QTMAN: variants seen among roughly 807,000 people sequenced by gnomAD.
The protein encoded by QTMAN is tRNA-queuosine alpha-mannosyltransferase.
At chr2:144,256,040 A>G in the QTMAN span, among the ~76,000 whole-genome samples, 1,093 of 152,342 alleles carry the variant, frequency 7.2e-3, 7 homozygotes, top group Non-Finnish European at 0.011. Flanking sequence ...ATTACATATG[A>G]TAAGTTATTT....
At chr2:144,145,852 G>T in the QTMAN span, 2 of 739,518 alleles carry the variant, frequency 2.7e-6, no homozygotes, top group Non-Finnish European at 2.2e-6. Flanking sequence ...TCCCCTATAG[G>T]GACACATCAA....
chr2:144,077,784 T>C, the QTMAN span, among the ~76,000 whole-genome samples: 1 of 152,188 alleles, frequency 6.6e-6, no homozygotes, highest in East Asian at 1.9e-4. Flanking sequence ...AGACACAAAG[T>C]CTGAAACATT....
chr2:144,235,416 T>C, the QTMAN span, among the ~76,000 whole-genome samples: 2 of 151,884 alleles, frequency 1.3e-5, no homozygotes, highest in African/African-American at 4.8e-5. Context: ...AGAATATACA[T>C]TAAAAGAAAA....
At chr2:144,089,402 TA>T in the QTMAN span, among the ~76,000 whole-genome samples, 1 of 151,948 alleles carries the variant, frequency 6.6e-6, no homozygotes, top group Non-Finnish European at 1.5e-5. Context: ...CTCAAAAAAC[TA>T]AACATAGAAT....
At chr2:144,318,814 T>C in the QTMAN span, among the ~76,000 whole-genome samples, 17 of 152,296 alleles carry the variant, frequency 1.1e-4, no homozygotes, top group East Asian at 3.1e-3. Context: ...AGAGTTTTTG[T>C]TGAATGCTAA....
chr2:144,154,887 G>A, the QTMAN span, among the ~76,000 whole-genome samples: 3 of 152,078 alleles, frequency 2.0e-5, no homozygotes, highest in Non-Finnish European at 1.5e-5. Context: ...TCCTAGCCAC[G>A]TGCTTAACAA....
the QTMAN span, chr2:143,942,336 C>T: frequency 0.096 from 16,030 of 167,134 alleles, 839 homozygotes; most frequent in Middle Eastern, 0.15. Context: ...GTCCCTGAAG[C>T]CATTTGTGCC....
chr2:144,042,181 T>A, the QTMAN span, among the ~76,000 whole-genome samples: 1 of 152,256 alleles, frequency 6.6e-6, no homozygotes, highest in South Asian at 2.1e-4. Flanking sequence ...TAGGCAGGCC[T>A]GCTGGGTGCA....
the QTMAN span, among the ~76,000 whole-genome samples, chr2:144,324,475 C>A: frequency 6.6e-6 from 1 of 152,254 alleles, no homozygotes; most frequent in Non-Finnish European, 1.5e-5. Context: ...TAGGAGAAAA[C>A]TGAAACTCGG....
At chr2:144,178,853 G>A in the QTMAN span, 1 of 364,990 alleles carries the variant, frequency 2.7e-6, no homozygotes, top group Non-Finnish European at 5.6e-6. Flanking sequence ...TTCTTTTCAG[G>A]AAGCTGGATC....
chr2:143,997,179 A>G, the QTMAN span, among the ~76,000 whole-genome samples: 2 of 152,126 alleles, frequency 1.3e-5, no homozygotes, highest in African/African-American at 4.8e-5. Context: ...AAGGCTCTTT[A>G]AAGAAGTAAG....
At chr2:144,111,466 A>G in the QTMAN span, among the ~76,000 whole-genome samples, 3 of 152,198 alleles carry the variant, frequency 2.0e-5, 1 homozygote, top group African/African-American at 4.8e-5. Flanking sequence ...ATGTTCACAT[A>G]TGGATCTTTT....
chr2:144,133,645 G>T, the QTMAN span, among the ~76,000 whole-genome samples: 21 of 141,978 alleles, frequency 1.5e-4, no homozygotes, highest in Admixed American at 1.2e-3. Context: ...TAATTAAGAG[G>T]AAAATGGTTA....
the QTMAN span, among the ~76,000 whole-genome samples, chr2:144,247,674 A>G: frequency 6.6e-6 from 1 of 152,092 alleles, no homozygotes; most frequent in South Asian, 2.1e-4. Flanking sequence ...GGACCACAGT[A>G]TTTTCCTTTC....
chr2:144,167,955 C>T, the QTMAN span, among the ~76,000 whole-genome samples: 4 of 152,244 alleles, frequency 2.6e-5, no homozygotes, highest in Admixed American at 1.3e-4. Flanking sequence ...GCTCGGGCCA[C>T]AAAGATTGAG....
chr2:144,200,331 A>C, the QTMAN span, among the ~76,000 whole-genome samples: 2 of 152,228 alleles, frequency 1.3e-5, no homozygotes, highest in African/African-American at 4.8e-5. Flanking sequence ...ATAAATTTAA[A>C]AGTCATTGTT....
At chr2:144,283,467 A>T in the QTMAN span, among the ~76,000 whole-genome samples, 1 of 152,306 alleles carries the variant, frequency 6.6e-6, no homozygotes, top group Admixed American at 6.5e-5. Flanking sequence ...AAAGGTTCAG[A>T]TCTGACAGAC....
the QTMAN span, among the ~76,000 whole-genome samples, chr2:144,194,999 G>A: frequency 3.3e-5 from 5 of 152,064 alleles, no homozygotes; most frequent in Admixed American, 2.0e-4. Flanking sequence ...TAAAATATAA[G>A]GCATATCAAA....
chr2:144,141,916 T>A, the QTMAN span: 1 of 1,611,448 alleles, frequency 6.2e-7, no homozygotes, highest in Non-Finnish European at 8.5e-7. Context: ...GGAAAGTAAA[T>A]AACTTGGCAC....
Sources: gnomAD v4.1 joint callset for allele counts (sites outside exome capture counted in the v4.1 genomes callset) on GRCh38, gnomAD v4.1.1 for gene constraint, MANE v1.5 for transcripts, NCBI Gene and HGNC (gene_info 2026-07-23, HGNC 2026-07-21) for gene names.